The following ARB2A variants were observed in gnomAD, a reference collection of about 807,000 sequenced individuals.
ARB2A encodes the protein cotranscriptional regulator ARB2A.
chr5:93,852,699 T>C, the ARB2A span, among the ~76,000 whole-genome samples: 1 of 152,190 alleles, frequency 6.6e-6, no homozygotes, highest in Non-Finnish European at 1.5e-5. Flanking sequence ...CAGCACCATT[T>C]ATTAAATAGG....
chr5:93,876,830 A>G, the ARB2A span, among the ~76,000 whole-genome samples: 1 of 152,132 alleles, frequency 6.6e-6, no homozygotes, highest in Non-Finnish European at 1.5e-5. Context: ...TACCCCAGTC[A>G]GAACATCAAA....
the ARB2A span, among the ~76,000 whole-genome samples, chr5:93,796,008 A>G: frequency 1.3e-5 from 2 of 152,226 alleles, no homozygotes; most frequent in Non-Finnish European, 2.9e-5. Flanking sequence ...AAAATAACCC[A>G]AACTTCAAAT....
chr5:93,946,889 A>G, the ARB2A span, among the ~76,000 whole-genome samples: 1 of 152,194 alleles, frequency 6.6e-6, no homozygotes, highest in Admixed American at 6.5e-5. Flanking sequence ...TCTCAAAAAC[A>G]TTCAGCCACT....
At chr5:93,790,761 A>T in the ARB2A span, among the ~76,000 whole-genome samples, 8 of 151,608 alleles carry the variant, frequency 5.3e-5, no homozygotes, top group South Asian at 2.1e-4. Flanking sequence ...GACTGTATTT[A>T]AAAAAAAAGA....
At chr5:93,679,925 ATGT>A in the ARB2A span, among the ~76,000 whole-genome samples, 1 of 152,060 alleles carries the variant, frequency 6.6e-6, no homozygotes, top group Admixed American at 6.5e-5. Context: ...GCTTGTGGTA[ATGT>A]TGTATTTATA....
chr5:94,043,675 G>A, the ARB2A span, among the ~76,000 whole-genome samples: 3 of 152,160 alleles, frequency 2.0e-5, no homozygotes, highest in East Asian at 5.8e-4. Flanking sequence ...AATAAAAAAT[G>A]TCACTTTCTA....
At chr5:93,679,335 T>A in the ARB2A span, among the ~76,000 whole-genome samples, 1 of 152,092 alleles carries the variant, frequency 6.6e-6, no homozygotes, top group Non-Finnish European at 1.5e-5. Flanking sequence ...ATATGTCTCA[T>A]GTAAATTACA....
chr5:93,623,255 CAAA>C, the ARB2A span, among the ~76,000 whole-genome samples: 2 of 123,532 alleles, frequency 1.6e-5, no homozygotes, highest in Non-Finnish European at 3.6e-5. Flanking sequence ...TACAATAAGC[CAAA>C]AAAAAAAAAA....
chr5:93,988,501 C>CATAGA, the ARB2A span, among the ~76,000 whole-genome samples: 3 of 152,160 alleles, frequency 2.0e-5, no homozygotes, highest in Admixed American at 6.5e-5. Context: ...TAACATCTCC[C>CATAGA]TTGCCTGGCC....
the ARB2A span, among the ~76,000 whole-genome samples, chr5:94,087,315 G>A: frequency 6.6e-6 from 1 of 152,134 alleles, no homozygotes; most frequent in African/African-American, 2.4e-5. Flanking sequence ...GCTAAGGCAG[G>A]AGGATGGCTT....
the ARB2A span, among the ~76,000 whole-genome samples, chr5:93,781,410 C>T: frequency 6.6e-6 from 1 of 152,010 alleles, no homozygotes; most frequent in Non-Finnish European, 1.5e-5. Flanking sequence ...TAGATATGTA[C>T]CACATTTTCT....
the ARB2A span, chr5:93,619,538 C>T: frequency 6.6e-6 from 1 of 152,140 alleles, no homozygotes; most frequent in Non-Finnish European, 1.5e-5. Context: ...ATTTTGGGTA[C>T]ATTTTATCAT....
the ARB2A span, among the ~76,000 whole-genome samples, chr5:93,966,979 G>A: frequency 2.6e-5 from 4 of 151,154 alleles, no homozygotes; most frequent in Non-Finnish European, 5.9e-5. Flanking sequence ...TGTCCATCCT[G>A]TCTACATCTT....
chr5:93,837,945 A>T, the ARB2A span, among the ~76,000 whole-genome samples: 6 of 151,978 alleles, frequency 3.9e-5, no homozygotes, highest in Non-Finnish European at 7.4e-5. Flanking sequence ...TATTTTTCCT[A>T]TTCTATAGAT....
chr5:93,955,119 T>C, the ARB2A span, among the ~76,000 whole-genome samples: 1 of 152,204 alleles, frequency 6.6e-6, no homozygotes, highest in Non-Finnish European at 1.5e-5. Flanking sequence ...AACCAGGTAC[T>C]GTGACTGCTC....
chr5:93,757,391 C>A, the ARB2A span, among the ~76,000 whole-genome samples: 1 of 152,098 alleles, frequency 6.6e-6, no homozygotes, highest in Non-Finnish European at 1.5e-5. Context: ...CTGGGAAATT[C>A]ATCACAAAAA....
chr5:94,097,549 A>C, the ARB2A span, among the ~76,000 whole-genome samples: 1 of 152,052 alleles, frequency 6.6e-6, no homozygotes, highest in South Asian at 2.1e-4. Context: ...TAAAAATGGG[A>C]GTTTCCCCAC....
At chr5:94,038,547 G>T in the ARB2A span, among the ~76,000 whole-genome samples, 1 of 151,970 alleles carries the variant, frequency 6.6e-6, no homozygotes, top group Admixed American at 6.6e-5. Context: ...CTGTGTGAAT[G>T]TAAAGAATAT....
At chr5:93,762,014 AC>A in the ARB2A span, among the ~76,000 whole-genome samples, 10 of 152,204 alleles carry the variant, frequency 6.6e-5, no homozygotes, top group Non-Finnish European at 1.2e-4. Flanking sequence ...AGGAAAACTA[AC>A]AAACAGAAAG....
Sources: allele counts gnomAD v4.1 joint callset (sites outside exome capture counted in the v4.1 genomes callset), GRCh38; gene constraint gnomAD v4.1.1; transcripts MANE v1.5; gene names NCBI Gene and HGNC (gene_info 2026-07-23, HGNC 2026-07-21).